Variants in PHF21A observed in about 807,000 individuals in gnomAD.
The protein encoded by PHF21A is BHC80a.
A neutral mutation model predicts 82.5 loss-of-function variants in PHF21A; 11 were observed. The observed-to-expected ratio is 0.13, with a 90% confidence interval of 0.08 to 0.22. The LOEUF (loss-of-function observed/expected upper bound fraction) is 0.22, where lower values mean the gene tolerates loss of function less well. PHF21A is among the 10% of genes least tolerant of loss of function. The pLI is 1.00. For missense variants in PHF21A, 579 were observed against 837.8 expected (o/e 0.69, Z 3.81); for synonymous variants, 297 against 302.8 (o/e 0.98, Z 0.20).
chr11:46,082,595 CAGTT>C (rs1433365782), intron 4 of PHF21A, among the ~76,000 whole-genome samples: 7 of 152,056 alleles, frequency 4.6e-5, no homozygotes, highest in Admixed American at 4.6e-4. Flanking sequence ...TCAAAGCTGA[CAGTT>C]AATATGAATA....
At chr11:46,073,648 A>G (rs2134839321) in intron 6 of PHF21A, among the ~76,000 whole-genome samples, 1 of 152,346 alleles carries the variant, frequency 6.6e-6, no homozygotes, top group South Asian at 2.1e-4. Flanking sequence ...TACACAAAAT[A>G]AACATAAAAA....
At chr11:45,965,100 C>A (rs1470301072) in intron 10 of PHF21A, among the ~76,000 whole-genome samples, 2 of 152,324 alleles carry the variant, frequency 1.3e-5, no homozygotes, top group East Asian at 1.9e-4. Flanking sequence ...GGAATCCCAG[C>A]CCATCTACGA....
At chr11:46,045,706 C>A (rs1259241889) in intron 6 of PHF21A, among the ~76,000 whole-genome samples, 3 of 152,180 alleles carry the variant, frequency 2.0e-5, no homozygotes, top group Non-Finnish European at 4.4e-5. Context: ...CAAAGGAAAT[C>A]ACTATCTGTT....
chr11:46,099,562 A>ACC (rs1555191421), intron 1 of PHF21A, among the ~76,000 whole-genome samples: 5 of 146,040 alleles, frequency 3.4e-5, no homozygotes, highest in Admixed American at 2.0e-4. Context: ...ACACACACAC[A>ACC]CCCTAAACAC....
Position 45,933,724 on chromosome 11 carries a change from G to A in PHF21A, c.*244C>T. 1 of 399,510 alleles carries A rather than the reference G, an allele frequency of 2.5e-6. No individual in the cohort carries two copies. The highest frequency in any genetic ancestry group is 2.1e-5 in the African/African-American group (1 of 48,632). The allele number at this position is 399,510 out of a possible 1,614,324, so 24.7% of individuals were successfully genotyped here. On this transcript the variant is annotated 3_prime_UTR_variant, in exon 19 of 19. Coordinates refer to ENST00000676320, the MANE Select transcript of PHF21A (RefSeq NM_001352027.3). ...TATTATTTCACTTGGCATGGTGCTG[G>A]CAAAGAACCTCCAGCTGGCACTATT...
chr11:45,986,084 A>AACACACACACACAC (rs60179976), intron 6 of PHF21A, among the ~76,000 whole-genome samples: 1,464 of 132,250 alleles, frequency 0.011, 21 homozygotes, highest in African/African-American at 0.017. Context: ...CTTCCTTCAA[A>AACACACACACACAC]ACACACACAC....
intron 1 of PHF21A, among the ~76,000 whole-genome samples, chr11:46,106,553 C>T (rs958044868): frequency 4.6e-5 from 7 of 152,160 alleles, no homozygotes; most frequent in African/African-American, 9.7e-5. Context: ...GTTTGGTCTT[C>T]GAGATATGAT....
chr11:46,047,814 T>C (rs1053360946), intron 6 of PHF21A, among the ~76,000 whole-genome samples: 1 of 152,212 alleles, frequency 6.6e-6, no homozygotes, highest in Non-Finnish European at 1.5e-5. Flanking sequence ...ACATAAAGCA[T>C]GTGAAAACTC....
At chr11:45,978,499 C>T (rs1354452459) in intron 7 of PHF21A, among the ~76,000 whole-genome samples, 1 of 152,124 alleles carries the variant, frequency 6.6e-6, no homozygotes, top group Admixed American at 6.5e-5. Context: ...CAAAATGTTG[C>T]ACATGAACCA....
chr11:45,962,286 A>G (rs2093135415), intron 10 of PHF21A, among the ~76,000 whole-genome samples: 1 of 124,972 alleles, frequency 8.0e-6, no homozygotes. Flanking sequence ...TCATAGAGAG[A>G]ACGTTGGATA....
At chr11:46,036,643 T>C (rs953805516) in intron 6 of PHF21A, among the ~76,000 whole-genome samples, 1 of 152,232 alleles carries the variant, frequency 6.6e-6, no homozygotes, top group African/African-American at 2.4e-5. Context: ...TTCTAGCTTT[T>C]AAAAGGTTTC....
chr11:45,938,694 G>A (rs2089692614), intron 15 of PHF21A, among the ~76,000 whole-genome samples: 1 of 152,114 alleles, frequency 6.6e-6, no homozygotes, highest in Admixed American at 6.5e-5. Context: ...CAATTATAAC[G>A]ATATACTGTA....
chr11:45,995,945 T>C (rs1294347863), intron 6 of PHF21A, among the ~76,000 whole-genome samples: 1 of 152,096 alleles, frequency 6.6e-6, no homozygotes, highest in African/African-American at 2.4e-5. Context: ...AAAAAAATAA[T>C]TTTTATTTAT....
At chr11:46,057,621 A>G (rs1250181380) in intron 6 of PHF21A, among the ~76,000 whole-genome samples, 1 of 152,196 alleles carries the variant, frequency 6.6e-6, no homozygotes, top group Non-Finnish European at 1.5e-5. Context: ...TCAAGCTGAA[A>G]TAAGTAAAAT....
chr11:45,994,965 T>G (rs1369491551), intron 6 of PHF21A, among the ~76,000 whole-genome samples: 1 of 152,218 alleles, frequency 6.6e-6, no homozygotes, highest in Non-Finnish European at 1.5e-5. Context: ...AGAATCTAAC[T>G]CCATCTTGAG....
At chr11:45,975,789 T>G (rs949876983) in intron 7 of PHF21A, among the ~76,000 whole-genome samples, 1 of 152,164 alleles carries the variant, frequency 6.6e-6, no homozygotes, top group Non-Finnish European at 1.5e-5. Flanking sequence ...CAAAAAGAAT[T>G]CCTCATTGCT....
At position 46,076,856 on chromosome 11, in the gene PHF21A, T is replaced by A. The variant is rs370571661; in HGVS notation, c.88-37A>T. ...GAAAAAATATCTGTGAGAAAGATAT[T>A]TCATTTGTTAACAGAATAGTAGCAG... is the stretch of plus-strand genomic sequence containing the variant. On this transcript the variant is annotated intron_variant, in intron 5 of 18. Transcript: ENST00000676320. 114 of 1,521,718 alleles carry A rather than the reference T, an allele frequency of 7.5e-5. 1 individual carries two copies. In the African/African-American group the frequency reaches 1.1e-3, roughly 15 times the overall value. 94.3% of individuals were successfully genotyped at this position (1,521,718 alleles called of 1,614,324 possible).
At chr11:46,000,598 C>T (rs1220687282) in intron 6 of PHF21A, among the ~76,000 whole-genome samples, 1 of 152,144 alleles carries the variant, frequency 6.6e-6, no homozygotes, top group Non-Finnish European at 1.5e-5. Context: ...TGATTTTAAT[C>T]CAACCCCTCT....
chr11:46,082,120 A>T (rs750171235), intron 4 of PHF21A, among the ~76,000 whole-genome samples: 7 of 152,252 alleles, frequency 4.6e-5, no homozygotes, highest in Non-Finnish European at 1.0e-4. Flanking sequence ...ACTGAACATC[A>T]ACTATGTGTA....
Sources: gnomAD v4.1 joint callset for allele counts (sites outside exome capture counted in the v4.1 genomes callset) on GRCh38, gnomAD v4.1.1 for gene constraint, MANE v1.5 for transcripts, NCBI Gene and HGNC (gene_info 2026-07-23, HGNC 2026-07-21) for gene names.